DOCK8: variants seen among roughly 807,000 people sequenced by gnomAD.
The protein encoded by DOCK8 is dedicator of cytokinesis protein 8.
In DOCK8, 141 loss-of-function variants were observed where a neutral mutation model predicts 245.6. The observed-to-expected ratio is 0.57, with a 90% CI of 0.50 to 0.66. The LOEUF (loss-of-function observed/expected upper bound fraction) is 0.66, where lower values mean the gene tolerates loss of function less well. DOCK8 is among the 30% of genes least tolerant of loss of function. The pLI is 0.00. For synonymous variants in DOCK8, 1,168 were observed against 970.2 expected (o/e 1.20, Z -3.79); for missense variants, 2,965 against 2,603.4 (o/e 1.14, Z -3.02).
intron 1 of DOCK8, among the ~76,000 whole-genome samples, chr9:269,097 C>G (rs1036022554): frequency 6.6e-6 from 1 of 152,176 alleles, no homozygotes; most frequent in East Asian, 1.9e-4. Flanking sequence ...AAAATTCACC[C>G]ATGTGTACAG....
chr9:416,396 T>G (rs564842680), intron 29 of DOCK8, among the ~76,000 whole-genome samples: 6 of 152,338 alleles, frequency 3.9e-5, no homozygotes, highest in African/African-American at 1.4e-4. Context: ...TTAGCACACA[T>G]TATCCGAAGT....
chr9:438,954 G>A (rs2056994585), intron 39 of DOCK8, among the ~76,000 whole-genome samples: 1 of 152,154 alleles, frequency 6.6e-6, no homozygotes, highest in Non-Finnish European at 1.5e-5. Context: ...GTCCCTTAGG[G>A]TTGTTTCACT....
intron 15 of DOCK8, 65 bp downstream of exon 15, chr9:368,200 A>G: frequency 7.5e-7 from 1 of 1,326,196 alleles, no homozygotes; most frequent in Non-Finnish European, 1.1e-6. Flanking sequence ...CACTTCACAC[A>G]AGTCCGGGAC....
Position 356,776 on chromosome 9 carries a change from C to T in DOCK8, c.1680-11242C>T, listed in dbSNP as rs539396183. ...AGGTGAGAGTGAATTATATATAAAC[C>T]TCTTAATATATTAAATCTACCAAGC... On this transcript the variant is annotated intron_variant, in intron 14 of 47. Transcript: ENST00000432829. Among the ~76,000 whole-genome samples the T allele has an allele frequency of 4.3e-4, 66 of 152,014 alleles. 1 individual carries two copies. The highest frequency in any genetic ancestry group is 1.5e-3 in the African/African-American group (62 of 41,460).
chr9:413,050 C>A (rs1241399346), intron 28 of DOCK8, among the ~76,000 whole-genome samples: 1 of 151,940 alleles, frequency 6.6e-6, no homozygotes, highest in East Asian at 2.0e-4. Flanking sequence ...GGGGTTCTGA[C>A]ATATGATAGA....
intron 4 of DOCK8, among the ~76,000 whole-genome samples, chr9:301,187 A>G (rs187133412): frequency 1.2e-3 from 185 of 152,328 alleles, no homozygotes; most frequent in Non-Finnish European, 2.1e-3. Flanking sequence ...TTGGTTCACC[A>G]TACACAAATC....
At chr9:279,347 G>A (rs2048481239) in intron 2 of DOCK8, among the ~76,000 whole-genome samples, 1 of 152,220 alleles carries the variant, frequency 6.6e-6, no homozygotes, top group Non-Finnish European at 1.5e-5. Context: ...CAGAAGTTGA[G>A]GCTGCAGATA....
intron 24 of DOCK8, among the ~76,000 whole-genome samples, chr9:391,368 G>A (rs1201431604): frequency 2.0e-5 from 3 of 151,996 alleles, no homozygotes; most frequent in Non-Finnish European, 4.4e-5. Context: ...TTCAGGATTT[G>A]GGTCTCTCTT....
At chr9:293,695 C>G (rs902166546) in intron 4 of DOCK8, among the ~76,000 whole-genome samples, 3 of 152,202 alleles carry the variant, frequency 2.0e-5, no homozygotes, top group African/African-American at 7.2e-5. Flanking sequence ...AGGTTCTGTC[C>G]AGATTCAGGC....
At chr9:339,168 C>T (rs2051455828) in intron 13 of DOCK8, 69 bp downstream of exon 13, 4 of 1,286,198 alleles carry the variant, frequency 3.1e-6, no homozygotes, top group Non-Finnish European at 4.5e-6. Flanking sequence ...CAGTCTTTGT[C>T]TAATGCCAGA....
chr9:270,735 C>G (rs917302470), intron 1 of DOCK8, among the ~76,000 whole-genome samples: 4 of 152,316 alleles, frequency 2.6e-5, no homozygotes, highest in South Asian at 2.1e-4. Context: ...TATGTGACCT[C>G]ATTTGATCCT....
At position 439,258 on chromosome 9, in the gene DOCK8, A is replaced by G. The variant is rs368538451; in HGVS notation, c.5093A>G (p.Asn1698Ser). ...GGTCTCTTTCAGAATATTTCTTCCAATGTGCTGGAGGAGTCTGTGGTCTCT... is the reference window on the plus strand; with the variant it reads ...GGTCTCTTTCAGAATATTTCTTCCAGTGTGCTGGAGGAGTCTGTGGTCTCT... ...GSVSFQNISS[N>S]VLEESVVSED... Residue 1698 changes from asparagine to serine, a missense_variant, in exon 40 of 48, where the codon AAT becomes AGT. By Grantham distance (46) the Asn-to-Ser change is conservative. Around this residue, in one of 3 missense-constraint regions of DOCK8, gnomAD observed 2,825 missense variants for 2,453.5 expected, o/e 1.15. Coordinates refer to ENST00000432829, the MANE Select transcript of DOCK8 (RefSeq NM_203447.4). 2.9e-5 allele frequency: 46 copies of G among 1,613,724 alleles called. No homozygotes were observed. Among genetic ancestry groups the G allele is most frequent in the African/African-American group, 2.5e-4 (19 of 74,822 alleles).
chr9:217,463 T>C (rs2046782739), intron 1 of DOCK8, among the ~76,000 whole-genome samples: 1 of 152,198 alleles, frequency 6.6e-6, no homozygotes. Flanking sequence ...GAAGAAAATA[T>C]GTGATGAAAT....
intron 5 of DOCK8, among the ~76,000 whole-genome samples, chr9:306,691 CTGGAATTTCTGAT>C: frequency 6.6e-6 from 1 of 152,308 alleles, no homozygotes; most frequent in Non-Finnish European, 1.5e-5. Context: ...GCCCTGTCTG[CTGGAATTTCTGAT>C]TCAGTAGGTC....
At chr9:383,672 C>G (rs1258380191) in intron 22 of DOCK8, among the ~76,000 whole-genome samples, 4 of 117,710 alleles carry the variant, frequency 3.4e-5, no homozygotes, top group Non-Finnish European at 4.8e-5. Flanking sequence ...TGCACTCCAG[C>G]TTGAGCTACA....
At chr9:463,720 G>T in intron 47 of DOCK8, 33 bp downstream of exon 47, 1 of 1,612,992 alleles carries the variant, frequency 6.2e-7, no homozygotes, top group South Asian at 1.1e-5. Flanking sequence ...CTCTTCCTGT[G>T]GGATAAAGAG....
chr9:283,636 CA>C (rs1295908033), intron 2 of DOCK8, among the ~76,000 whole-genome samples: 2 of 152,146 alleles, frequency 1.3e-5, no homozygotes, highest in Non-Finnish European at 2.9e-5. Flanking sequence ...TAAATGAAAA[CA>C]TGTGATATCT....
Position 242,092 on chromosome 9 carries a change from G to T in DOCK8, c.53+27063G>T, listed in dbSNP as rs1433672253. Among the ~76,000 whole-genome samples the T allele has an allele frequency of 3.9e-5, 6 of 152,262 alleles. No homozygotes were observed. The East Asian group carries it at 1.2e-3, about 29-fold the overall frequency. ...TGTGTTGGTACATGCGATCTGCAGG[G>T]CCTTAGACGAATCATACATTTCATC... On this transcript the variant is annotated intron_variant, in intron 1 of 47. Transcript: ENST00000432829.
rs188098356 is a variant in DOCK8 at position 336,283 on chromosome 9, C to G, written c.1286-299C>G. On this transcript the variant is annotated intron_variant, in intron 11 of 47. Coordinates refer to ENST00000432829, the MANE Select transcript of DOCK8 (RefSeq NM_203447.4). ...GACTAAATAAAGCTTATCAGGAGACCCTGTTCTGGCTATAGCTCTGGACTC... is the reference window on the plus strand; with the variant it reads ...GACTAAATAAAGCTTATCAGGAGACGCTGTTCTGGCTATAGCTCTGGACTC... Among the ~76,000 whole-genome samples, 446 of 152,240 alleles carry G rather than the reference C, an allele frequency of 2.9e-3. 2 individuals are homozygous for G. The highest frequency in any genetic ancestry group is 0.01 in the African/African-American group (435 of 41,534).
Sources: gnomAD v4.1 joint callset for allele counts (sites outside exome capture counted in the v4.1 genomes callset) on GRCh38, gnomAD v4.1.1 for gene constraint, gnomAD v4.1.1 regional missense constraint, MANE v1.5 for transcripts, NCBI Gene and HGNC (gene_info 2026-07-23, HGNC 2026-07-21) for gene names.